The following LAMA2 variants were observed in gnomAD, a reference collection of about 807,000 sequenced individuals.
LAMA2 encodes laminin subunit alpha-2.
A neutral mutation model predicts 364.8 loss-of-function variants in LAMA2; 269 were observed. The observed-to-expected ratio is 0.74, with a 90% CI of 0.67 to 0.82. The LOEUF (loss-of-function observed/expected upper bound fraction) is 0.82. LAMA2 is among the 40% of genes least tolerant of loss of function. The probability of loss-of-function intolerance (pLI) is 0.00; values close to 1 mark genes in which losing one functional copy is unlikely to be tolerated. For missense variants in LAMA2, 3,807 were observed against 3,873.2 expected, an observed-to-expected ratio of 0.98 and a Z score of 0.45; for synonymous variants, 1,379 against 1,370.6, an observed-to-expected ratio of 1.01 and a Z score of -0.14.
chr6:128,929,425 CTT>C, intron 1 of LAMA2: 3 of 864,754 alleles, frequency 3.5e-6, no homozygotes, highest in Non-Finnish European at 6.0e-6. Flanking sequence ...CTTTGAGTAG[CTT>C]TTGGAGAAGG....
At chr6:129,251,489 T>G (rs1786239540) in intron 13 of LAMA2, among the ~76,000 whole-genome samples, 1 of 152,248 alleles carries the variant, frequency 6.6e-6, no homozygotes, top group African/African-American at 2.4e-5. Flanking sequence ...GCTATTATTT[T>G]AGTTAACAGG....
intron 1 of LAMA2, among the ~76,000 whole-genome samples, chr6:129,014,902 T>A (rs1383635341): frequency 6.6e-6 from 1 of 152,022 alleles, no homozygotes; most frequent in Non-Finnish European, 1.5e-5. Flanking sequence ...AATATTGTCA[T>A]TAGACTCTAA....
chr6:129,266,267 TC>T (rs1228599924), intron 15 of LAMA2, among the ~76,000 whole-genome samples: 1 of 152,030 alleles, frequency 6.6e-6, no homozygotes, highest in Non-Finnish European at 1.5e-5. Flanking sequence ...TTTGTAGTAA[TC>T]CCCACAGATG....
At chr6:128,905,106 C>G (rs1165877810) in intron 1 of LAMA2, among the ~76,000 whole-genome samples, 1 of 152,134 alleles carries the variant, frequency 6.6e-6, no homozygotes, top group Admixed American at 6.5e-5. Context: ...AAAAATCTTT[C>G]CATATAATGC....
chr6:129,436,749 T>G (rs1781852501), intron 41 of LAMA2: 1 of 152,186 alleles, frequency 6.6e-6, no homozygotes, highest in Non-Finnish European at 1.5e-5. Flanking sequence ...AGAAATGACA[T>G]CTTACTGTTG....
chr6:129,156,908 G>A lies in LAMA2; in HGVS notation c.1206+2225G>A, dbSNP rs1432639580. Among the ~76,000 whole-genome samples the A allele has an allele frequency of 6.6e-5, 10 of 152,120 alleles. No homozygotes were observed. The South Asian group carries it at 8.3e-4, about 13-fold the overall frequency. ...TGCATTTTTAAAGCACAAAACCACC[G>A]GCCACCAATATCTTCCTGTGCATGC... On this transcript the variant is annotated intron_variant, in intron 8 of 64. Transcript: ENST00000421865.
intron 12 of LAMA2, among the ~76,000 whole-genome samples, chr6:129,232,781 G>A (rs529985302): frequency 1.1e-4 from 16 of 152,236 alleles, no homozygotes; most frequent in Middle Eastern, 3.4e-3. Context: ...ATGATCCTGC[G>A]TTATCCAGGT....
intron 27 of LAMA2, among the ~76,000 whole-genome samples, chr6:129,320,156 TAA>T (rs1774866465): frequency 6.7e-6 from 1 of 149,242 alleles, no homozygotes; most frequent in Non-Finnish European, 1.5e-5. Context: ...AATAAATAAA[TAA>T]AAAGAAAAAA....
intron 63 of LAMA2, among the ~76,000 whole-genome samples, chr6:129,513,807 G>A (rs975269917): frequency 6.6e-6 from 1 of 152,048 alleles, no homozygotes; most frequent in African/African-American, 2.4e-5. Context: ...TCTGGCTCAG[G>A]TCTTTGGCAC....
Position 129,280,162 on chromosome 6 carries a change from C to T in LAMA2, c.2537+15C>T. 1 of 1,484,720 alleles carries T rather than the reference C, an allele frequency of 6.7e-7. No homozygotes were observed. Among genetic ancestry groups the T allele is most frequent in the Non-Finnish European group, 9.4e-7 (1 of 1,062,192 alleles). 92.0% of individuals were successfully genotyped at this position (1,484,720 alleles called of 1,614,324 possible). A position where few individuals can be genotyped will look rare whatever the true frequency, so the allele number is the denominator to read the frequency against. On this transcript the variant is annotated intron_variant, in intron 18 of 64. Coordinates refer to ENST00000421865, the MANE Select transcript of LAMA2 (RefSeq NM_000426.4). ...CGCTGTGAGAGGTAAGAGTATACTA[C>T]ACTGTCTTGCAAAATGATTTCTACC...
chr6:129,260,016 A>G (rs1292043098), intron 14 of LAMA2, among the ~76,000 whole-genome samples: 1 of 152,130 alleles, frequency 6.6e-6, no homozygotes, highest in African/African-American at 2.4e-5. Flanking sequence ...ATTTTTTTCC[A>G]ATTTTCCATT....
In LAMA2 at chr6:129,267,162, G is replaced by A. The variant is rs910253334; in HGVS notation, c.2265G>A (p.Glu755=). The A allele has an allele frequency of 6.8e-6, 11 of 1,613,344 alleles. No homozygotes were observed. Among genetic ancestry groups the A allele is most frequent in the African/African-American group, 5.3e-5 (4 of 74,874 alleles). ...GCACTATTTTTGGTGGCATCTGTGA[G>A]CCATGTCAGTGCTTTGGTCATGCGG... ...VNGTIFGGIC[E]PCQCFGHAES... Residue 755 remains glutamate (E), a synonymous_variant, in exon 16 of 65, where the codon GAG becomes GAA. Transcript: ENST00000421865.
intron 22 of LAMA2, among the ~76,000 whole-genome samples, chr6:129,312,111 A>T (rs1774262992): frequency 6.6e-6 from 1 of 151,868 alleles, no homozygotes; most frequent in African/African-American, 2.4e-5. Context: ...AAACACAATT[A>T]TGTTCCCAAA....
At position 129,192,623 on chromosome 6, in the gene LAMA2, A is replaced by G. The variant is rs1385696359; in HGVS notation, c.1609-57A>G. 1.2e-5 allele frequency: 18 copies of G among 1,520,392 alleles called. No homozygotes were observed. In the East Asian group the frequency reaches 3.9e-4, roughly 33 times the overall value. The allele number at this position is 1,520,392 out of a possible 1,614,324, so 94.2% of individuals were successfully genotyped here. A position where few individuals can be genotyped will look rare whatever the true frequency, so the allele number is the denominator to read the frequency against. On this transcript the variant is annotated intron_variant, in intron 11 of 64. Transcript: ENST00000421865. ...GGACACGACCAGGAACATGAAAGAG[A>G]AAAGCAGCTGATAGATATTTTTTAA... is the stretch of plus-strand genomic sequence containing the variant.
rs1296488438 is a variant in LAMA2 at position 129,465,167 on chromosome 6, T to G, written c.7178T>G (p.Leu2393Arg). The G allele has an allele frequency of 6.2e-7, 1 of 1,610,874 alleles. No homozygotes were observed. The highest frequency in any genetic ancestry group is 2.2e-5 in the East Asian group (1 of 44,776). ...RDLRDFMSVE[L>R]TDGHIKVSYD... The stretch of plus-strand genomic sequence containing the variant: ...TAGAGAGATTTCATGAGTGTGGAGC[T>G]CACTGATGGGCACATAAAAGTCAGT... The change falls in exon 51 of 65, where the codon CTC becomes CGC. Residue 2393 changes from leucine to arginine, a missense_variant. By Grantham distance (102) the Leu-to-Arg change is moderately radical. This residue lies in a region of LAMA2 where 3,333 missense variants were observed against 3,345.7 expected (regional missense o/e 1.00). Transcript: ENST00000421865.
At chr6:129,171,740 A>C (rs1169348816) in intron 9 of LAMA2, among the ~76,000 whole-genome samples, 2 of 123,718 alleles carry the variant, frequency 1.6e-5, no homozygotes, top group Non-Finnish European at 3.3e-5. Flanking sequence ...AGATTGGGGA[A>C]GTTCTCCTGG....
chr6:129,228,460 A>G (rs550567427), intron 12 of LAMA2, among the ~76,000 whole-genome samples: 65 of 152,116 alleles, frequency 4.3e-4, no homozygotes, highest in African/African-American at 1.5e-3. Context: ...TCCTATTCCA[A>G]TTATACTGGT....
chr6:129,339,374 G>T (rs1203827009), intron 29 of LAMA2, among the ~76,000 whole-genome samples: 2 of 152,154 alleles, frequency 1.3e-5, no homozygotes, highest in Admixed American at 1.3e-4. Flanking sequence ...GTATTACAAG[G>T]TTTAGCAAGA....
intron 8 of LAMA2, chr6:129,158,391 C>T (rs1377778590): frequency 6.2e-7 from 1 of 1,613,968 alleles, no homozygotes; most frequent in Non-Finnish European, 8.5e-7. Flanking sequence ...TTCTCCATAT[C>T]GGCCTTTACC....
Sources: allele counts gnomAD v4.1 joint callset (sites outside exome capture counted in the v4.1 genomes callset), GRCh38; gene constraint gnomAD v4.1.1; regional missense constraint gnomAD v4.1.1; transcripts MANE v1.5; gene names NCBI Gene and HGNC (gene_info 2026-07-23, HGNC 2026-07-21).